Variants in ACOXL observed in about 807,000 individuals in gnomAD.
ACOXL encodes acyl-CoA oxidase like, also known as acyl-coenzyme A oxidase-like protein.
In ACOXL, 70 loss-of-function variants were observed where a neutral mutation model predicts 71.9. That is an observed-to-expected ratio of 0.97 (90% CI 0.80 to 1.19). The LOEUF is 1.19. ACOXL is among the 50% of genes most tolerant of loss of function. The pLI, the probability that ACOXL is intolerant of heterozygous loss-of-function variation, is 0.00. For synonymous variants in ACOXL, 253 were observed against 281.6 expected, an observed-to-expected ratio of 0.90 and a Z score of 1.02; for missense variants, 703 against 736.3, an observed-to-expected ratio of 0.95 and a Z score of 0.52.
chr2:110,853,038 A>G (rs1481578129), intron 10 of ACOXL, among the ~76,000 whole-genome samples: 1 of 152,128 alleles, frequency 6.6e-6, no homozygotes, highest in Non-Finnish European at 1.5e-5. Flanking sequence ...CCAGAGAACA[A>G]GCTTCTTTGT....
chr2:111,029,497 T>C (rs1055071941), intron 14 of ACOXL, among the ~76,000 whole-genome samples: 3 of 152,176 alleles, frequency 2.0e-5, no homozygotes, highest in African/African-American at 7.2e-5. Flanking sequence ...GAGCCTATAC[T>C]GCTCCTAGGT....
intron 13 of ACOXL, among the ~76,000 whole-genome samples, chr2:110,988,304 G>A (rs1472059823): frequency 1.3e-5 from 2 of 152,118 alleles, no homozygotes; most frequent in African/African-American, 4.8e-5. Context: ...AGCCAGGCGT[G>A]GTGGCACATG....
intron 1 of ACOXL, among the ~76,000 whole-genome samples, chr2:110,750,968 A>G (rs1304224645): frequency 2.6e-5 from 4 of 151,654 alleles, no homozygotes; most frequent in African/African-American, 7.3e-5. Context: ...TACAAGTGTG[A>G]GCCACCATGC....
At chr2:110,859,589 G>A (rs1187719097) in intron 10 of ACOXL, among the ~76,000 whole-genome samples, 3 of 152,202 alleles carry the variant, frequency 2.0e-5, no homozygotes, top group African/African-American at 7.2e-5. Context: ...AAATGCAGCT[G>A]CTGTTGACGG....
intron 9 of ACOXL, among the ~76,000 whole-genome samples, chr2:110,810,339 G>T (rs1687154729): frequency 6.6e-6 from 1 of 152,126 alleles, no homozygotes; most frequent in Non-Finnish European, 1.5e-5. Context: ...TCTTTAATGG[G>T]CAGGGATTGT....
chr2:110,988,522 C>T (rs1242739561), intron 13 of ACOXL, among the ~76,000 whole-genome samples: 7 of 152,124 alleles, frequency 4.6e-5, no homozygotes, highest in Non-Finnish European at 4.4e-5. Context: ...AAAACACTCC[C>T]CTACGGTATA....
At chr2:110,955,227 T>C (rs2061453777) in intron 12 of ACOXL, among the ~76,000 whole-genome samples, 1 of 152,204 alleles carries the variant, frequency 6.6e-6, no homozygotes, top group East Asian at 1.9e-4. Context: ...CGTATTAGGC[T>C]GATATCAATA....
At chr2:110,837,214 G>A (rs1690564554) in intron 9 of ACOXL, among the ~76,000 whole-genome samples, 1 of 152,108 alleles carries the variant, frequency 6.6e-6, no homozygotes, top group African/African-American at 2.4e-5. Context: ...GTGCTTCCTG[G>A]TCTCTCCTTT....
At chr2:111,068,256 C>T (rs1294055578) in intron 16 of ACOXL, among the ~76,000 whole-genome samples, 2 of 152,126 alleles carry the variant, frequency 1.3e-5, no homozygotes, top group African/African-American at 4.8e-5. Flanking sequence ...GGTGAAGAAA[C>T]GGTGTGCGTG....
chr2:111,000,270 GA>G (rs1379016791), intron 14 of ACOXL, among the ~76,000 whole-genome samples: 3 of 152,208 alleles, frequency 2.0e-5, no homozygotes, highest in African/African-American at 7.2e-5. Flanking sequence ...AAGTTATGTG[GA>G]AAGTAGAAAA....
At position 110,933,837 on chromosome 2, in the gene ACOXL, C is replaced by T. The variant is rs981613839; in HGVS notation, c.1059+195C>T. Among the ~76,000 whole-genome samples, 5 of 152,330 alleles carry T rather than the reference C, an allele frequency of 3.3e-5. No homozygotes were observed. In the South Asian group the frequency reaches 1.0e-3, roughly 32 times the overall value. ...TGATGCTGCCAGGACTGATAGAATA[C>T]ATGTTTGTAAAATGCCTGGCCCATG... On this transcript the variant is annotated intron_variant, in intron 12 of 17. Transcript: ENST00000439055.
At chr2:110,894,695 A>C (rs1376333962) in intron 10 of ACOXL, among the ~76,000 whole-genome samples, 1 of 152,002 alleles carries the variant, frequency 6.6e-6, no homozygotes, top group East Asian at 1.9e-4. Flanking sequence ...AACTCCTGCC[A>C]CCTCCTGCAG....
intron 16 of ACOXL, among the ~76,000 whole-genome samples, chr2:111,066,620 T>C (rs1369680248): frequency 2.6e-5 from 4 of 152,102 alleles, no homozygotes; most frequent in South Asian, 2.1e-4. Flanking sequence ...AATAGAAAAA[T>C]TCATTTAATT....
intron 12 of ACOXL, among the ~76,000 whole-genome samples, chr2:110,953,639 C>T (rs537413654): frequency 6.6e-6 from 1 of 151,988 alleles, no homozygotes; most frequent in African/African-American, 2.4e-5. Flanking sequence ...TCAGTGTATT[C>T]GTCCATTTTT....
chr2:110,824,965 G>A (rs567103399), intron 9 of ACOXL, among the ~76,000 whole-genome samples: 2 of 152,324 alleles, frequency 1.3e-5, no homozygotes, highest in East Asian at 3.9e-4. Flanking sequence ...AAAGTTGATG[G>A]TTTGTTATAG....
intron 14 of ACOXL, among the ~76,000 whole-genome samples, chr2:111,019,943 C>T (rs2064667645): frequency 6.6e-6 from 1 of 152,214 alleles, no homozygotes; most frequent in Non-Finnish European, 1.5e-5. Flanking sequence ...TCACTCCAAC[C>T]ACTACCTCTC....
At chr2:110,866,730 C>G (rs1694630775) in intron 10 of ACOXL, among the ~76,000 whole-genome samples, 5 of 152,108 alleles carry the variant, frequency 3.3e-5, no homozygotes, top group Admixed American at 3.3e-4. Flanking sequence ...TCTCTGTATT[C>G]ACTTGCTCAC....
rs1006852688 is a variant in ACOXL, at chr2:110,964,115, C to T, written c.1060-22993C>T. ...TACTCTTTTCCTTTCTCAATCCAAT[C>T]GGCTCATGTTTTCAAGTATGTTGAA... On this transcript the variant is annotated intron_variant, in intron 12 of 17. Coordinates refer to ENST00000439055, the MANE Select transcript of ACOXL (RefSeq NM_001142807.4). Among the ~76,000 whole-genome samples, 8 of 152,132 alleles carry T rather than the reference C, an allele frequency of 5.3e-5. 1 individual carries two copies. Among genetic ancestry groups the T allele is most frequent in the Admixed American group, 6.5e-5 (1 of 15,270 alleles).
chr2:111,043,495 G>T (rs936446534), intron 15 of ACOXL, among the ~76,000 whole-genome samples: 3 of 152,176 alleles, frequency 2.0e-5, no homozygotes, highest in African/African-American at 7.2e-5. Context: ...TGAGAGCGCC[G>T]CAGTCACACA....
Sources: gnomAD v4.1 joint callset for allele counts (sites outside exome capture counted in the v4.1 genomes callset) on GRCh38, gnomAD v4.1.1 for gene constraint, MANE v1.5 for transcripts, NCBI Gene and HGNC (gene_info 2026-07-23, HGNC 2026-07-21) for gene names.